Variants in RBM47 observed in about 807,000 individuals in gnomAD.
RBM47 encodes the protein RNA-binding protein 47.
Under a neutral mutation model 47.1 loss-of-function variants are expected in RBM47, and 21 were observed. That is an observed-to-expected ratio of 0.45 (90% CI 0.32 to 0.64). The LOEUF (loss-of-function observed/expected upper bound fraction) is 0.64, where lower values mean the gene tolerates loss of function less well. Among genes scored for constraint, RBM47 ranks in the 30% least tolerant of loss-of-function variants. The pLI, the probability that RBM47 is intolerant of heterozygous loss-of-function variation, is 0.05. For missense variants in RBM47, 708 were observed against 870.9 expected, an observed-to-expected ratio of 0.81 and a Z score of 2.35; for synonymous variants, 375 against 361.7, an observed-to-expected ratio of 1.04 and a Z score of -0.42.
rs1734463780 is a variant in RBM47, at chr4:40,593,612, G to T, written c.-240+35784C>A. Among the ~76,000 whole-genome samples, 3 of 152,228 alleles carry T rather than the reference G, an allele frequency of 2.0e-5. No individual in the cohort carries two copies. The South Asian group carries it at 6.2e-4, about 32-fold the overall frequency. On this transcript the variant is annotated intron_variant, in intron 1 of 6. Transcript: ENST00000295971. ...TTAGCTGGACACAGCTGGGCACGGT[G>T]GCTCACGCCTGTAATCCCAGCACTT...
At chr4:40,477,681 A>T (rs888967277) in intron 2 of RBM47, among the ~76,000 whole-genome samples, 1 of 152,216 alleles carries the variant, frequency 6.6e-6, no homozygotes, top group African/African-American at 2.4e-5. Flanking sequence ...GAAATAAACC[A>T]TCTCAGGATG....
intron 2 of RBM47, among the ~76,000 whole-genome samples, chr4:40,498,686 A>G (rs923853570): frequency 1.2e-4 from 18 of 151,772 alleles, no homozygotes; most frequent in Non-Finnish European, 2.5e-4. Context: ...AAAAAAAAAA[A>G]AAAAAAATTG....
chr4:40,464,527 T>A (rs1298239787), intron 3 of RBM47, among the ~76,000 whole-genome samples: 13 of 151,966 alleles, frequency 8.6e-5, no homozygotes, highest in Non-Finnish European at 1.8e-4. Context: ...ATGCCTCTAT[T>A]TTGGGAATAC....
intron 1 of RBM47, among the ~76,000 whole-genome samples, chr4:40,549,804 C>A (rs1729385700): frequency 6.6e-6 from 1 of 152,066 alleles, no homozygotes; most frequent in Non-Finnish European, 1.5e-5. Flanking sequence ...CCTCAACCTC[C>A]CAAGCAGCTG....
At chr4:40,436,953 AC>A (rs1712555719) in intron 4 of RBM47, 1 of 472,656 alleles carries the variant, frequency 2.1e-6, no homozygotes, top group Non-Finnish European at 4.1e-6. Context: ...CAAAAAAAAA[AC>A]TGTGGCCAGG....
At chr4:40,581,097 G>A (rs1406405695) in intron 1 of RBM47, among the ~76,000 whole-genome samples, 1 of 152,194 alleles carries the variant, frequency 6.6e-6, no homozygotes, top group Non-Finnish European at 1.5e-5. Flanking sequence ...AAACTCATGA[G>A]CCATAGGAGG....
At chr4:40,624,723 T>A (rs1737567509) in intron 1 of RBM47, among the ~76,000 whole-genome samples, 1 of 152,200 alleles carries the variant, frequency 6.6e-6, no homozygotes, top group African/African-American at 2.4e-5. Context: ...AAGGCAACTT[T>A]GTCTTGAGAA....
intron 1 of RBM47, among the ~76,000 whole-genome samples, chr4:40,581,627 T>TG (rs1197453892): frequency 1.4e-5 from 2 of 146,388 alleles, no homozygotes; most frequent in East Asian, 4.1e-4. Context: ...GTGGGGGTGG[T>TG]GGGGGAAGAG....
At position 40,549,177 on chromosome 4, in the gene RBM47, C is replaced by T. The variant is rs562330782; in HGVS notation, c.-239-4671G>A. ...GTGCAGTGGCATAATCTGCAACCTCCGCCCCCTGGGTTCAAGCGATTCTCC... is the reference window on the plus strand; with the variant it reads ...GTGCAGTGGCATAATCTGCAACCTCTGCCCCCTGGGTTCAAGCGATTCTCC... On this transcript the variant is annotated intron_variant, in intron 1 of 6. Transcript: ENST00000295971. Among the ~76,000 whole-genome samples the T allele has an allele frequency of 4.3e-4, 65 of 151,618 alleles. 1 individual carries two copies. The highest frequency in any genetic ancestry group is 1.5e-3 in the African/African-American group (63 of 41,292).
chr4:40,442,140 T>G (rs1188114888), intron 3 of RBM47, among the ~76,000 whole-genome samples: 4 of 152,236 alleles, frequency 2.6e-5, no homozygotes, highest in Non-Finnish European at 5.9e-5. Flanking sequence ...TTATTTATCT[T>G]ATTGTTCACA....
intron 2 of RBM47, among the ~76,000 whole-genome samples, chr4:40,473,679 T>G (rs537643377): frequency 6.6e-6 from 1 of 152,344 alleles, no homozygotes; most frequent in African/African-American, 2.4e-5. Context: ...GTGTTCTGAC[T>G]TGTTTCCTAG....
In RBM47 at chr4:40,572,873, C is replaced by G. The variant is rs201888873; in HGVS notation, c.-239-28367G>C. Among the ~76,000 whole-genome samples, 13 of 151,800 alleles carry G rather than the reference C, an allele frequency of 8.6e-5. No individual in the cohort carries two copies. The East Asian group carries it at 2.5e-3, about 29-fold the overall frequency. On this transcript the variant is annotated intron_variant, in intron 1 of 6. Transcript: ENST00000295971. ...TCACCACAAAATTGCAGAAGTGGGCCGGATGCGGTAACTCACACCTGGAAT... is the reference window on the plus strand; with the variant it reads ...TCACCACAAAATTGCAGAAGTGGGCGGGATGCGGTAACTCACACCTGGAAT...
At chr4:40,455,902 T>C (rs926243552) in intron 3 of RBM47, among the ~76,000 whole-genome samples, 3 of 152,242 alleles carry the variant, frequency 2.0e-5, no homozygotes, top group Admixed American at 6.5e-5. Flanking sequence ...TTTAGAGTCG[T>C]TAATTATCTG....
intron 1 of RBM47, among the ~76,000 whole-genome samples, chr4:40,616,536 A>G (rs1406163319): frequency 6.6e-6 from 1 of 152,066 alleles, no homozygotes; most frequent in East Asian, 1.9e-4. Flanking sequence ...ATAAGCTCCA[A>G]AAGCCCTGTG....
chr4:40,601,360 G>A (rs1735270715), intron 1 of RBM47, among the ~76,000 whole-genome samples: 1 of 152,260 alleles, frequency 6.6e-6, no homozygotes, highest in African/African-American at 2.4e-5. Flanking sequence ...GCTAATGTTG[G>A]AGAGGCATTT....
intron 6 of RBM47, among the ~76,000 whole-genome samples, chr4:40,431,252 T>C (rs1424886688): frequency 6.6e-6 from 1 of 152,164 alleles, no homozygotes; most frequent in Non-Finnish European, 1.5e-5. Flanking sequence ...AAGGTGAAGA[T>C]ACAAAGAAAC....
chr4:40,514,871 T>A (rs997456089), intron 2 of RBM47: 1 of 152,220 alleles, frequency 6.6e-6, no homozygotes, highest in African/African-American at 2.4e-5. Flanking sequence ...AAAGGTGGCA[T>A]AACGATAAGC....
intron 1 of RBM47, among the ~76,000 whole-genome samples, chr4:40,602,698 T>C (rs1735395582): frequency 6.7e-6 from 1 of 150,130 alleles, no homozygotes; most frequent in Non-Finnish European, 1.5e-5. Context: ...ACTAGCCAAA[T>C]GGGCAATTGA....
At chr4:40,466,246 T>C (rs1717995456) in intron 3 of RBM47, among the ~76,000 whole-genome samples, 1 of 121,772 alleles carries the variant, frequency 8.2e-6, no homozygotes, top group Non-Finnish European at 1.6e-5. Context: ...CCACCCTGGG[T>C]AACAGAGTGA....
Sources: allele counts gnomAD v4.1 joint callset (sites outside exome capture counted in the v4.1 genomes callset), GRCh38; gene constraint gnomAD v4.1.1; transcripts MANE v1.5; gene names NCBI Gene and HGNC (gene_info 2026-07-23, HGNC 2026-07-21).